The following CDC123 variants were observed in gnomAD, a reference collection of about 807,000 sequenced individuals.
The protein encoded by CDC123 is translation initiation factor eIF2 assembly protein.
In CDC123, 37 loss-of-function variants were observed where a neutral mutation model predicts 54.4. The observed-to-expected ratio is 0.68, with a 90% CI of 0.52 to 0.89. CDC123 has a LOEUF of 0.89. Ranked by LOEUF, CDC123 falls within the 40% of genes least tolerant of loss-of-function variation. The pLI, the probability that CDC123 is intolerant of heterozygous loss-of-function variation, is 0.00. For missense variants in CDC123, 361 were observed against 412.1 expected, an observed-to-expected ratio of 0.88 and a Z score of 1.07; for synonymous variants, 144 against 136.8, an observed-to-expected ratio of 1.05 and a Z score of -0.37.
intron 2 of CDC123, among the ~76,000 whole-genome samples, chr10:12,207,269 A>G (rs578001078): frequency 7.2e-5 from 11 of 151,868 alleles, no homozygotes; most frequent in Middle Eastern, 3.4e-3. Flanking sequence ...TTTCCATTCT[A>G]TTGAATTTTA....
intron 6 of CDC123, among the ~76,000 whole-genome samples, chr10:12,230,685 GA>G (rs1403098321): frequency 6.6e-6 from 1 of 152,274 alleles, no homozygotes; most frequent in African/African-American, 2.4e-5. Context: ...TCAAATACTA[GA>G]CCAGCTATAG....
At chr10:12,240,897 G>A (rs146534739) in intron 10 of CDC123, among the ~76,000 whole-genome samples, 16 of 152,270 alleles carry the variant, frequency 1.1e-4, no homozygotes, top group African/African-American at 3.1e-4. Flanking sequence ...GAATAATCCC[G>A]TACGTGTGTC....
At chr10:12,220,646 A>G (rs550346565) in intron 6 of CDC123, among the ~76,000 whole-genome samples, 42 of 152,370 alleles carry the variant, frequency 2.8e-4, no homozygotes, top group African/African-American at 9.4e-4. Flanking sequence ...AGAACTCAGT[A>G]AAGATGAATG....
intron 6 of CDC123, among the ~76,000 whole-genome samples, chr10:12,226,419 AG>A (rs1564253621): frequency 6.7e-6 from 1 of 150,104 alleles, no homozygotes; most frequent in African/African-American, 2.5e-5. Context: ...CACCTCCTGG[AG>A]GGGGCAGCTG....
chr10:12,241,239 C>A (rs1836053753), intron 10 of CDC123, among the ~76,000 whole-genome samples: 1 of 151,978 alleles, frequency 6.6e-6, no homozygotes, highest in Non-Finnish European at 1.5e-5. Flanking sequence ...GTCTTTTTCA[C>A]TTTTTTCTAT....
At position 12,224,133 on chromosome 10, in the gene CDC123, G is replaced by A. The variant is rs575606535; in HGVS notation, c.440+6666G>A. ...ACGATGTTTGGTTTTCCGTTCCTGC[G>A]TTACTTCACTTGGAATAATAGTCTC... On this transcript the variant is annotated intron_variant, in intron 6 of 12. Transcript: ENST00000281141. Among the ~76,000 whole-genome samples, 121 of 150,056 alleles carry A rather than the reference G, an allele frequency of 8.1e-4. 1 individual carries two copies. The highest frequency in any genetic ancestry group is 2.9e-3 in the African/African-American group (119 of 40,764).
rs12265534 is a variant in CDC123, at chr10:12,240,973, G to A, written c.717+2488G>A. On this transcript the variant is annotated intron_variant, in intron 10 of 12. Transcript: ENST00000281141. ...GAAGCGGGATTGCTGGCTCAAAAGT[G>A]AAATGTATTTTAATGTTGCAGTTTA... is the stretch of plus-strand genomic sequence containing the variant. 3.1e-3 allele frequency among the ~76,000 whole-genome samples: 465 copies of A among 152,252 alleles called. 1 individual carries two copies. The highest frequency in any genetic ancestry group is 0.01 in the African/African-American group (426 of 41,554).
intron 6 of CDC123, among the ~76,000 whole-genome samples, chr10:12,229,605 A>C (rs1026625902): frequency 6.6e-6 from 1 of 152,214 alleles, no homozygotes; most frequent in African/African-American, 2.4e-5. Context: ...TTGGTGCTGC[A>C]GAGTATTTTT....
At chr10:12,203,953 C>T (rs566232320) in intron 2 of CDC123, among the ~76,000 whole-genome samples, 36 of 151,966 alleles carry the variant, frequency 2.4e-4, no homozygotes, top group African/African-American at 8.4e-4. Flanking sequence ...ATTAGCTGGG[C>T]GTGTTGGCAC....
chr10:12,229,424 C>T (rs1189928981), intron 6 of CDC123, among the ~76,000 whole-genome samples: 3 of 152,158 alleles, frequency 2.0e-5, no homozygotes, highest in African/African-American at 7.2e-5. Flanking sequence ...GTCGCAGTTC[C>T]CCCTTGAGTC....
intron 2 of CDC123, among the ~76,000 whole-genome samples, chr10:12,208,576 G>A (rs2131735341): frequency 6.6e-6 from 1 of 152,314 alleles, no homozygotes; most frequent in East Asian, 1.9e-4. Context: ...TTATAAGATG[G>A]TACTTGTGCT....
At chr10:12,240,746 G>A (rs1039920777) in intron 10 of CDC123, among the ~76,000 whole-genome samples, 8 of 148,542 alleles carry the variant, frequency 5.4e-5, no homozygotes, top group African/African-American at 1.9e-4. Flanking sequence ...GTTTGTGCCT[G>A]TAGCCCCAGC....
At chr10:12,206,612 G>C (rs1055006783) in intron 2 of CDC123, among the ~76,000 whole-genome samples, 14 of 152,186 alleles carry the variant, frequency 9.2e-5, no homozygotes, top group Non-Finnish European at 1.5e-5. Flanking sequence ...AGCAGTTTGA[G>C]ACCAGACTGA....
intron 12 of CDC123, 130 bp downstream of exon 12, chr10:12,249,848 G>A (rs1338008792): frequency 8.5e-7 from 1 of 1,170,162 alleles, no homozygotes; most frequent in Non-Finnish European, 1.2e-6. Flanking sequence ...CCAAGTTACT[G>A]AGTTAGAGCA....
At chr10:12,245,959 A>G (rs1401611220) in intron 10 of CDC123, 190 bp from the exon 11 acceptor site, 2 of 537,558 alleles carry the variant, frequency 3.7e-6, no homozygotes, top group Admixed American at 3.3e-5. Context: ...AGTCCCAGGT[A>G]CTGAGGAGGC....
Position 12,243,635 on chromosome 10 carries a change from T to A in CDC123, c.718-2514T>A, listed in dbSNP as rs540995066. 4.6e-4 allele frequency among the ~76,000 whole-genome samples: 65 copies of A among 142,698 alleles called. No homozygotes were observed. In the South Asian group the frequency reaches 0.013, roughly 27 times the overall value. 93.6% of individuals were successfully genotyped at this position (142,698 alleles called of 152,430 possible). The stretch of plus-strand genomic sequence containing the variant: ...CTGTCTCTACTAAAAATACAAAAAA[T>A]TAGCTGGGCGTGATGGCGGACGCCT... On this transcript the variant is annotated intron_variant, in intron 10 of 12. Transcript: ENST00000281141.
intron 4 of CDC123, 23 bp downstream of exon 4, chr10:12,210,345 G>C: frequency 2.5e-6 from 4 of 1,614,016 alleles, no homozygotes; most frequent in Non-Finnish European, 3.4e-6. Context: ...CAGACTCAGC[G>C]TGGGGACAGC....
intron 2 of CDC123, among the ~76,000 whole-genome samples, chr10:12,204,947 C>T (rs370257608): frequency 5.9e-5 from 8 of 135,536 alleles, no homozygotes; most frequent in Non-Finnish European, 9.2e-5. Flanking sequence ...GAGCCGAGAT[C>T]GTGCCACTGC....
rs150292030 is a variant in CDC123 at position 12,219,188 on chromosome 10, C to T, written c.440+1721C>T. Reference sequence around the variant, plus strand: ...CATCAACTCTGGCGTGTGAGCTCTGCAGCTTGGACATAAGGTTGTAGTATT... The same window carrying T: ...CATCAACTCTGGCGTGTGAGCTCTGTAGCTTGGACATAAGGTTGTAGTATT... On this transcript the variant is annotated intron_variant, in intron 6 of 12. Coordinates refer to ENST00000281141, the MANE Select transcript of CDC123 (RefSeq NM_006023.3). Among the ~76,000 whole-genome samples, 812 of 152,304 alleles carry T rather than the reference C, an allele frequency of 5.3e-3. 3 individuals are homozygous for T. Among genetic ancestry groups the T allele is most frequent in the African/African-American group, 0.019 (776 of 41,556 alleles).
Sources: gnomAD v4.1 joint callset for allele counts (sites outside exome capture counted in the v4.1 genomes callset) on GRCh38, gnomAD v4.1.1 for gene constraint, MANE v1.5 for transcripts, NCBI Gene and HGNC (gene_info 2026-07-23, HGNC 2026-07-21) for gene names.